BCAS3: variants seen among roughly 807,000 people sequenced by gnomAD.
BCAS3 encodes BCAS3 microtubule associated cell migration factor.
Under a neutral mutation model 116.1 loss-of-function variants are expected in BCAS3, and 53 were observed. The ratio of observed to expected loss-of-function variants is 0.46; its 90% CI spans 0.37 to 0.57. The LOEUF (loss-of-function observed/expected upper bound fraction) is 0.57, where lower values mean the gene tolerates loss of function less well. BCAS3 is among the 20% of genes least tolerant of loss of function. BCAS3 has a pLI of 0.00. For synonymous variants in BCAS3, 391 were observed against 408.2 expected (o/e 0.96, Z 0.51); for missense variants, 917 against 1,165.4 (o/e 0.79, Z 3.10).
rs932950447 is a variant in BCAS3 at position 61,161,326 on chromosome 17, T to C, written c.2425+76762T>C. Among the ~76,000 whole-genome samples, 3 of 152,200 alleles carry C rather than the reference T, an allele frequency of 2.0e-5. No homozygotes were observed. Among genetic ancestry groups the C allele is most frequent in the African/African-American group, 7.2e-5 (3 of 41,450 alleles). The stretch of plus-strand genomic sequence containing the variant: ...AGTGTTAAATATTTCTTATCAAATA[T>C]TGTTAAAGAGGTATTCTGGTTACAT... On this transcript the variant is annotated intron_variant, in intron 22 of 23. Coordinates refer to ENST00000407086, the MANE Select transcript of BCAS3 (RefSeq NM_017679.5). The surrounding 1 kb of genome is among the most constrained non-coding windows in gnomAD (Gnocchi z 4.8).
At chr17:61,230,543 A>T (rs1037088618) in intron 22 of BCAS3, among the ~76,000 whole-genome samples, 1 of 152,172 alleles carries the variant, frequency 6.6e-6, no homozygotes, top group African/African-American at 2.4e-5. Context: ...CTTAAAAGTG[A>T]GAACATGTGG....
chr17:61,110,770 A>G (rs2075028741), intron 22 of BCAS3, among the ~76,000 whole-genome samples: 1 of 152,158 alleles, frequency 6.6e-6, no homozygotes, highest in Non-Finnish European at 1.5e-5. Flanking sequence ...CTGCCTCTGT[A>G]GGCTCCACCT....
At chr17:61,011,386 G>A (rs960001079) in intron 15 of BCAS3, among the ~76,000 whole-genome samples, 1 of 151,940 alleles carries the variant, frequency 6.6e-6, no homozygotes, top group Admixed American at 6.6e-5. Flanking sequence ...GAAAATTTAG[G>A]CTTGATATAA....
At chr17:60,970,933 A>G (rs1052676040) in intron 14 of BCAS3, among the ~76,000 whole-genome samples, 1 of 152,236 alleles carries the variant, frequency 6.6e-6, no homozygotes, top group Admixed American at 6.5e-5. Flanking sequence ...ATTATTTTCA[A>G]TTATGACATC....
chr17:61,123,710 A>G lies in BCAS3; in HGVS notation c.2425+39146A>G, dbSNP rs567648150. ...TAGTGCCTCTGTAAAGTGATCCGTAATCTGCCCAGTATTAATAGTTTGGCT... is the reference window on the plus strand; with the variant it reads ...TAGTGCCTCTGTAAAGTGATCCGTAGTCTGCCCAGTATTAATAGTTTGGCT... On this transcript the variant is annotated intron_variant, in intron 22 of 23. Transcript: ENST00000407086. Among the ~76,000 whole-genome samples the G allele has an allele frequency of 5.3e-5, 8 of 152,176 alleles. No individual in the cohort carries two copies. The East Asian group carries it at 9.7e-4, about 18-fold the overall frequency.
At chr17:60,919,777 G>A (rs2058978089) in intron 12 of BCAS3, among the ~76,000 whole-genome samples, 1 of 151,918 alleles carries the variant, frequency 6.6e-6, no homozygotes, top group African/African-American at 2.4e-5. Context: ...TTCAATCAAT[G>A]AGCTGTATTT....
At chr17:60,974,611 T>C (rs1383433452) in intron 14 of BCAS3, among the ~76,000 whole-genome samples, 2 of 152,202 alleles carry the variant, frequency 1.3e-5, no homozygotes, top group Non-Finnish European at 2.9e-5. Context: ...AGAGGCCTAA[T>C]TGGTTTCTGA....
rs377054453 is a variant in BCAS3, at chr17:61,359,691, A to C, written c.2426-8636A>C. Among the ~76,000 whole-genome samples the C allele has an allele frequency of 3.3e-5, 5 of 152,326 alleles. No individual in the cohort carries two copies. The South Asian group carries it at 1.0e-3, about 32-fold the overall frequency. ...TTTTTAATAGCGACAGGGTTTTGCC[A>C]TGTTGGCCAGGCTGGTCTCAGACTC... On this transcript the variant is annotated intron_variant, in intron 22 of 23. Coordinates refer to ENST00000407086, the MANE Select transcript of BCAS3 (RefSeq NM_017679.5).
intron 5 of BCAS3, chr17:60,727,257 A>G: frequency 2.9e-6 from 3 of 1,023,006 alleles, no homozygotes; most frequent in Non-Finnish European, 4.7e-6. Context: ...TTGGATCTGC[A>G]GTTAGGCTCA....
At position 60,962,868 on chromosome 17, in the gene BCAS3, T is replaced by C. The variant is rs1187053830; in HGVS notation, c.1221+15516T>C. 6.6e-6 allele frequency among the ~76,000 whole-genome samples: 1 copy of C among 152,228 alleles called. No individual in the cohort carries two copies. The highest frequency in any genetic ancestry group is 2.4e-5 in the African/African-American group (1 of 41,470). On this transcript the variant is annotated intron_variant, in intron 14 of 23. Transcript: ENST00000407086. The surrounding 1 kb of genome is among the most constrained non-coding windows in gnomAD (Gnocchi z 4.4). ...AGTTTTCTTTTAGTGGTTTCATAGT[T>C]TGAGGTCTTAGATTTACGTCTTTAA...
At chr17:61,133,859 C>A (rs1360090926) in intron 22 of BCAS3, among the ~76,000 whole-genome samples, 132 of 81,868 alleles carry the variant, frequency 1.6e-3, no homozygotes, top group South Asian at 2.2e-3. Context: ...CCTGGAATCT[C>A]AAAAAAAAAA....
chr17:61,317,716 G>T (rs1279138964), intron 22 of BCAS3, among the ~76,000 whole-genome samples: 1 of 152,190 alleles, frequency 6.6e-6, no homozygotes, highest in Non-Finnish European at 1.5e-5. Context: ...GGTAAGTAGG[G>T]CACAGTTGTT....
chr17:61,372,550 T>C (rs1215362263), intron 23 of BCAS3, among the ~76,000 whole-genome samples: 1 of 151,968 alleles, frequency 6.6e-6, no homozygotes, highest in Non-Finnish European at 1.5e-5. Flanking sequence ...CTTCGGGCCC[T>C]TTCCTTCTCT....
chr17:61,058,743 G>C (rs1439016957), intron 19 of BCAS3, among the ~76,000 whole-genome samples: 1 of 152,080 alleles, frequency 6.6e-6, no homozygotes, highest in Non-Finnish European at 1.5e-5. Context: ...CTCTGATCAG[G>C]ATACATAACT....
At chr17:60,873,662 C>G (rs756954977) in intron 8 of BCAS3, among the ~76,000 whole-genome samples, 1 of 152,100 alleles carries the variant, frequency 6.6e-6, no homozygotes, top group Non-Finnish European at 1.5e-5. Flanking sequence ...GAGAAAAATA[C>G]TGCTTTTACA....
chr17:60,844,958 G>T (rs543569172), intron 7 of BCAS3, among the ~76,000 whole-genome samples: 1 of 152,192 alleles, frequency 6.6e-6, no homozygotes, highest in African/African-American at 2.4e-5. Flanking sequence ...GGCTGGGCAC[G>T]GTGGCTTATG....
At chr17:61,299,395 G>T (rs2053238656) in intron 22 of BCAS3, among the ~76,000 whole-genome samples, 2 of 141,222 alleles carry the variant, frequency 1.4e-5, no homozygotes, top group Admixed American at 1.5e-4. Context: ...GTGAGCTGAG[G>T]TTGCACCATT....
chr17:60,764,514 G>A (rs571979323), intron 6 of BCAS3, among the ~76,000 whole-genome samples: 47 of 152,324 alleles, frequency 3.1e-4, no homozygotes, highest in Admixed American at 5.9e-4. Context: ...TTTTGAGTGA[G>A]TTTTTTAATC....
Position 60,993,351 on chromosome 17 carries a change from T to G in BCAS3, c.1486+3116T>G, listed in dbSNP as rs2063648801. ...ATTGTTTTCTCTCAGCTTTATTGCT[T>G]TCATGTCTCTCTGCATGTTTTTTTC... is the stretch of plus-strand genomic sequence containing the variant. On this transcript the variant is annotated intron_variant, in intron 15 of 23. Coordinates refer to ENST00000407086, the MANE Select transcript of BCAS3 (RefSeq NM_017679.5). The surrounding 1 kb of genome is among the most constrained non-coding windows in gnomAD (Gnocchi z 4.2). 6.6e-6 allele frequency among the ~76,000 whole-genome samples: 1 copy of G among 152,208 alleles called. No individual in the cohort carries two copies. The highest frequency in any genetic ancestry group is 2.1e-4 in the South Asian group (1 of 4,828).
Sources: allele counts gnomAD v4.1 joint callset (sites outside exome capture counted in the v4.1 genomes callset), GRCh38; gene constraint gnomAD v4.1.1; non-coding constraint Gnocchi (gnomAD v3.1); transcripts MANE v1.5; gene names NCBI Gene and HGNC (gene_info 2026-07-23, HGNC 2026-07-21).